The following DTNBP1 variants were observed in gnomAD, a reference collection of about 807,000 sequenced individuals.
DTNBP1 encodes dysbindin.
A neutral mutation model predicts 42.8 loss-of-function variants in DTNBP1; 35 were observed. The observed-to-expected ratio is 0.82, with a 90% confidence interval of 0.63 to 1.09. DTNBP1 has a LOEUF of 1.09. DTNBP1 is among the 50% of genes least tolerant of loss of function. DTNBP1 has a pLI of 0.00. For missense variants in DTNBP1, 457 were observed against 424.2 expected (o/e 1.08, Z -0.68); for synonymous variants, 171 against 162.2 (o/e 1.05, Z -0.41).
At chr6:15,590,204 G>A (rs1456724497) in intron 7 of DTNBP1, among the ~76,000 whole-genome samples, 2 of 152,172 alleles carry the variant, frequency 1.3e-5, no homozygotes, top group Non-Finnish European at 2.9e-5. Context: ...AAAGTGCTAG[G>A]ATTACAGGCG....
intron 7 of DTNBP1, among the ~76,000 whole-genome samples, chr6:15,538,588 G>A (rs981146038): frequency 3.3e-5 from 5 of 152,316 alleles, no homozygotes; most frequent in African/African-American, 1.2e-4. Flanking sequence ...TATGTTTGTG[G>A]TTATCTATTA....
intron 3 of DTNBP1, among the ~76,000 whole-genome samples, chr6:15,649,508 G>A (rs1349335076): frequency 6.6e-6 from 1 of 152,086 alleles, no homozygotes; most frequent in Non-Finnish European, 1.5e-5. Flanking sequence ...AGAGGAGGGA[G>A]TAGAAATGAG....
At chr6:15,604,469 C>G (rs1232671956) in intron 6 of DTNBP1, among the ~76,000 whole-genome samples, 3 of 152,064 alleles carry the variant, frequency 2.0e-5, no homozygotes, top group Non-Finnish European at 4.4e-5. Context: ...GATCTTTACC[C>G]TGGAGAATGC....
At chr6:15,613,055 C>T (rs1441127867) in intron 6 of DTNBP1, among the ~76,000 whole-genome samples, 2 of 152,028 alleles carry the variant, frequency 1.3e-5, no homozygotes, top group African/African-American at 4.8e-5. Context: ...CGCCTGTAAT[C>T]CCAGCACTTT....
At chr6:15,628,051 C>A (rs56213329) in intron 4 of DTNBP1, among the ~76,000 whole-genome samples, 4,332 of 152,236 alleles carry the variant, frequency 0.028, 84 homozygotes, top group South Asian at 0.052. Flanking sequence ...ATGAGGAATT[C>A]AGCAGATGTA....
chr6:15,575,703 T>C (rs1775532147), intron 7 of DTNBP1, among the ~76,000 whole-genome samples: 1 of 152,206 alleles, frequency 6.6e-6, no homozygotes, highest in African/African-American at 2.4e-5. Context: ...CAGCAAATTA[T>C]ACTCATGGAG....
At chr6:15,533,497 T>C (rs983696355) in intron 7 of DTNBP1, 102 bp from the exon 8 acceptor site, 1 of 1,590,200 alleles carries the variant, frequency 6.3e-7, no homozygotes, top group Non-Finnish European at 8.6e-7. Context: ...GATGGAGTCA[T>C]GCCGCGTTTA....
chr6:15,549,632 C>A (rs1774100299), intron 7 of DTNBP1, among the ~76,000 whole-genome samples: 1 of 152,118 alleles, frequency 6.6e-6, no homozygotes. Flanking sequence ...TCTGGCACCC[C>A]CGCAGCAACT....
At chr6:15,570,369 A>T (rs1775289184) in intron 7 of DTNBP1, among the ~76,000 whole-genome samples, 1 of 152,186 alleles carries the variant, frequency 6.6e-6, no homozygotes, top group Non-Finnish European at 1.5e-5. Context: ...TTTAATACAC[A>T]GCCAAGTGGC....
intron 4 of DTNBP1, among the ~76,000 whole-genome samples, chr6:15,628,237 A>G (rs919074637): frequency 1.3e-5 from 2 of 152,154 alleles, no homozygotes; most frequent in Non-Finnish European, 2.9e-5. Flanking sequence ...GAGCAAGAAG[A>G]GGTGATCTTT....
At chr6:15,650,895 C>G (rs1760954880) in intron 3 of DTNBP1, among the ~76,000 whole-genome samples, 1 of 152,024 alleles carries the variant, frequency 6.6e-6, no homozygotes, top group African/African-American at 2.4e-5. Flanking sequence ...TAATTTTTAT[C>G]TTGTTGTTTG....
intron 4 of DTNBP1, among the ~76,000 whole-genome samples, chr6:15,627,790 G>GAA (rs58633601): frequency 1.8e-5 from 2 of 114,226 alleles, no homozygotes. Context: ...GCTAAATCTA[G>GAA]AAAAAAAAAA....
At chr6:15,554,933 A>C (rs913826545) in intron 7 of DTNBP1, among the ~76,000 whole-genome samples, 68 of 151,982 alleles carry the variant, frequency 4.5e-4, no homozygotes, top group African/African-American at 1.5e-3. Context: ...CAAAAGGGAG[A>C]AGCAGTGTCT....
intron 6 of DTNBP1, among the ~76,000 whole-genome samples, chr6:15,610,799 T>C (rs1319298748): frequency 6.6e-6 from 1 of 152,360 alleles, no homozygotes; most frequent in Admixed American, 6.5e-5. Context: ...TCTTCAGTTC[T>C]ATGAAAGCTA....
At chr6:15,641,149 G>C (rs1302478194) in intron 3 of DTNBP1, among the ~76,000 whole-genome samples, 1 of 152,210 alleles carries the variant, frequency 6.6e-6, no homozygotes, top group Admixed American at 6.5e-5. Flanking sequence ...CTCTTGGAGA[G>C]CCAGACACTT....
At chr6:15,638,594 T>C (rs1760159133) in intron 3 of DTNBP1, among the ~76,000 whole-genome samples, 1 of 152,148 alleles carries the variant, frequency 6.6e-6, no homozygotes, top group African/African-American at 2.4e-5. Flanking sequence ...AATCATTAAC[T>C]AAAAGTGAGA....
chr6:15,629,814 G>C (rs1326675567), intron 4 of DTNBP1, among the ~76,000 whole-genome samples: 4 of 152,100 alleles, frequency 2.6e-5, no homozygotes, highest in Non-Finnish European at 5.9e-5. Context: ...TTCCATCCCA[G>C]GGAATTTGAC....
At chr6:15,580,222 C>T (rs1294426031) in intron 7 of DTNBP1, among the ~76,000 whole-genome samples, 5 of 152,100 alleles carry the variant, frequency 3.3e-5, no homozygotes, top group Non-Finnish European at 5.9e-5. Flanking sequence ...TTTTACCTCC[C>T]GTCACACCTC....
intron 1 of DTNBP1, among the ~76,000 whole-genome samples, chr6:15,661,379 G>GGGGGCA (rs1160901109): frequency 2.7e-5 from 1 of 37,436 alleles, no homozygotes; most frequent in Non-Finnish European, 5.3e-5. Flanking sequence ...GGGAGGGTGG[G>GGGGGCA]CCGGGAACGG....
Sources: allele counts gnomAD v4.1 joint callset (sites outside exome capture counted in the v4.1 genomes callset), GRCh38; gene constraint gnomAD v4.1.1; transcripts MANE v1.5; gene names NCBI Gene and HGNC (gene_info 2026-07-23, HGNC 2026-07-21).